The following PTPN1 variants were observed in gnomAD, a reference collection of about 807,000 sequenced individuals.
PTPN1 encodes the protein protein tyrosine phosphatase non-receptor type 1, also known as tyrosine-protein phosphatase non-receptor type 1.
Under a neutral mutation model 59.9 loss-of-function variants are expected in PTPN1, and 12 were observed. The observed-to-expected ratio is 0.20, with a 90% CI of 0.13 to 0.32. The LOEUF (loss-of-function observed/expected upper bound fraction) is 0.32. Among genes scored for constraint, PTPN1 ranks in the 10% least tolerant of loss-of-function variants. The pLI, the probability that PTPN1 is intolerant of heterozygous loss-of-function variation, is 1.00. For missense variants in PTPN1, 356 were observed against 549.2 expected (o/e 0.65, Z 3.52); for synonymous variants, 178 against 203.6 (o/e 0.87, Z 1.07).
intron 1 of PTPN1, among the ~76,000 whole-genome samples, chr20:50,536,894 CAAAA>C (rs1230626372): frequency 5.3e-5 from 8 of 151,932 alleles, no homozygotes; most frequent in Non-Finnish European, 8.8e-5. Context: ...CTGTAGAAAA[CAAAA>C]AAAGTAAAAT....
intron 1 of PTPN1, among the ~76,000 whole-genome samples, chr20:50,540,039 T>A (rs1347438805): frequency 6.6e-6 from 1 of 152,134 alleles, no homozygotes; most frequent in Non-Finnish European, 1.5e-5. Context: ...CTCACTTTTT[T>A]AAACTTCATT....
rs565798860 is a variant in PTPN1, at chr20:50,574,348, C to T, written c.355-169C>T. On this transcript the variant is annotated intron_variant, in intron 4 of 9. Coordinates refer to ENST00000371621, the MANE Select transcript of PTPN1 (RefSeq NM_002827.4). ...TGCCCCGGTCAGCAGCTTCGTGCCC[C>T]CACCCCCATCTCCCCATGAGGCAGG... 7 of 652,596 alleles carry T rather than the reference C, an allele frequency of 1.1e-5. No individual in the cohort carries two copies. The South Asian group carries it at 1.3e-4, about 12-fold the overall frequency. The allele number at this position is 652,596 out of a possible 1,614,324, so 40.4% of individuals were successfully genotyped here.
At chr20:50,546,684 TTG>T (rs2082677432) in intron 1 of PTPN1, among the ~76,000 whole-genome samples, 1 of 152,226 alleles carries the variant, frequency 6.6e-6, no homozygotes, top group Admixed American at 6.5e-5. Flanking sequence ...ACACTCCAAA[TTG>T]TGCACCAAAG....
chr20:50,516,709 C>T (rs554281210), intron 1 of PTPN1, among the ~76,000 whole-genome samples: 5 of 152,142 alleles, frequency 3.3e-5, no homozygotes, highest in African/African-American at 1.2e-4. Context: ...AGCCCTGACA[C>T]GTACGCTATG....
intron 1 of PTPN1, among the ~76,000 whole-genome samples, chr20:50,533,772 G>C (rs1300410545): frequency 6.6e-6 from 1 of 152,126 alleles, no homozygotes; most frequent in Non-Finnish European, 1.5e-5. Flanking sequence ...GATAGGTCAG[G>C]TGAGGCTGGA....
chr20:50,556,458 G>A (rs1473818799), intron 1 of PTPN1, among the ~76,000 whole-genome samples: 1 of 151,946 alleles, frequency 6.6e-6, no homozygotes, highest in East Asian at 1.9e-4. Context: ...CCAAAGTGCT[G>A]GGATTACAGA....
intron 1 of PTPN1, among the ~76,000 whole-genome samples, chr20:50,520,266 G>A (rs898303243): frequency 6.6e-6 from 1 of 151,834 alleles, no homozygotes; most frequent in African/African-American, 2.4e-5. Context: ...AGCTACTCAG[G>A]AGGCTGAGGC....
At chr20:50,578,389 T>A (rs771052425) in intron 5 of PTPN1, 31 bp from the exon 6 acceptor site, 1 of 1,533,534 alleles carries the variant, frequency 6.5e-7, no homozygotes, top group Non-Finnish European at 9.0e-7. Flanking sequence ...ATGATTCTTT[T>A]AGAATCATCA....
At chr20:50,560,137 C>G (rs1255372395) in intron 1 of PTPN1, among the ~76,000 whole-genome samples, 1 of 152,084 alleles carries the variant, frequency 6.6e-6, no homozygotes, top group Non-Finnish European at 1.5e-5. Context: ...AAGGGTCTAG[C>G]TGCCAGCGGT....
At chr20:50,552,499 G>A (rs188208199) in intron 1 of PTPN1, among the ~76,000 whole-genome samples, 12 of 152,108 alleles carry the variant, frequency 7.9e-5, no homozygotes, top group South Asian at 2.1e-4. Flanking sequence ...TCCCATCTGC[G>A]CGTAGCAGCC....
At position 50,581,417 on chromosome 20, in the gene PTPN1, G is replaced by A. The variant is rs1457853372; in HGVS notation, c.1241G>A (p.Cys414Tyr). 6.2e-7 allele frequency: 1 copy of A among 1,613,788 alleles called. No individual in the cohort carries two copies. The highest frequency in any genetic ancestry group is 8.5e-7 in the Non-Finnish European group (1 of 1,179,652). The change falls in exon 9 of 10, where the codon TGC becomes TAC. Residue 414 changes from cysteine to tyrosine, a missense_variant. This residue lies in a region of PTPN1 where 62 missense variants were observed against 97.2 expected (regional missense o/e 0.64). Coordinates refer to ENST00000371621, the MANE Select transcript of PTPN1 (RefSeq NM_002827.4). ...TGGAAGCCCTTCCTGGTCAACATGT[G>A]CGTGGCTACGGTCCTCACGGCCGGC... ...SYWKPFLVNM[C>Y]VATVLTAGAY...
intron 1 of PTPN1, among the ~76,000 whole-genome samples, chr20:50,546,030 A>C (rs978770287): frequency 1.3e-5 from 2 of 152,062 alleles, no homozygotes; most frequent in Admixed American, 1.3e-4. Context: ...AGAGCGAGAC[A>C]GGTCCTGTCT....
Position 50,582,856 on chromosome 20 carries a change from C to A in PTPN1, c.*141C>A. 1.0e-6 allele frequency: 1 copy of A among 973,256 alleles called. No individual in the cohort carries two copies. The highest frequency in any genetic ancestry group is 1.6e-6 in the Non-Finnish European group (1 of 640,182). The allele number at this position is 973,256 out of a possible 1,614,324, so 60.3% of individuals were successfully genotyped here. A position where few individuals can be genotyped will look rare whatever the true frequency, so the allele number is the denominator to read the frequency against. On this transcript the variant is annotated 3_prime_UTR_variant, in exon 10 of 10. Transcript: ENST00000371621. This position sits in a 1 kb window ranked among gnomAD's most constrained non-coding sequence, Gnocchi z 4.2. ...GCCCCGGACGGACGTTGGTTCTGCA[C>A]TAAAACCCATCTTCCCCGGATGTGT...
At chr20:50,518,923 C>T (rs969486807) in intron 1 of PTPN1, among the ~76,000 whole-genome samples, 3 of 152,182 alleles carry the variant, frequency 2.0e-5, no homozygotes, top group African/African-American at 4.8e-5. Context: ...TTGAATATTC[C>T]TTGAGAATCC....
intron 9 of PTPN1, among the ~76,000 whole-genome samples, chr20:50,581,849 C>CA (rs202045099): frequency 6.8e-5 from 10 of 147,666 alleles, no homozygotes; most frequent in African/African-American, 1.2e-4. Context: ...ATTTCTGGAA[C>CA]AAAAAAAAAC....
chr20:50,549,495 C>A (rs868023897), intron 1 of PTPN1, among the ~76,000 whole-genome samples: 2 of 152,162 alleles, frequency 1.3e-5, no homozygotes, highest in African/African-American at 2.4e-5. Context: ...TTGCCCCAGA[C>A]CACTGTACAA....
intron 1 of PTPN1, among the ~76,000 whole-genome samples, chr20:50,536,263 A>G (rs1315175990): frequency 2.6e-5 from 4 of 152,236 alleles, no homozygotes; most frequent in Non-Finnish European, 5.9e-5. Flanking sequence ...TGTGATAGCC[A>G]TCTGTATATT....
intron 2 of PTPN1, among the ~76,000 whole-genome samples, chr20:50,561,847 G>A (rs897250827): frequency 3.3e-5 from 5 of 152,122 alleles, no homozygotes; most frequent in Admixed American, 2.6e-4. Context: ...ACAGGCATTC[G>A]GGGTGGGCAC....
rs754452008 is a variant in PTPN1, at chr20:50,578,483, G to A, written c.556G>A (p.Glu186Lys). 6.2e-7 allele frequency: 1 copy of A among 1,614,238 alleles called. No individual in the cohort carries two copies. The highest frequency in any genetic ancestry group is 8.5e-7 in the Non-Finnish European group (1 of 1,180,038). Residue 186 changes from glutamate to lysine, a missense_variant, in exon 6 of 10, where the codon GAA becomes AAA. By Grantham distance (56) the Glu-to-Lys change is moderately conservative (BLOSUM62 1). Around this residue, in one of 3 missense-constraint regions of PTPN1, gnomAD observed 194 missense variants for 344.2 expected, o/e 0.56. Transcript: ENST00000371621. ...CACATGGCCTGACTTTGGAGTCCCT[G>A]AATCACCAGCCTCATTCTTGAACTT... ...YTTWPDFGVP[E>K]SPASFLNFLF...
Sources: gnomAD v4.1 joint callset for allele counts (sites outside exome capture counted in the v4.1 genomes callset) on GRCh38, gnomAD v4.1.1 for gene constraint, gnomAD v4.1.1 regional missense constraint, Gnocchi (gnomAD v3.1) non-coding constraint, MANE v1.5 for transcripts, NCBI Gene and HGNC (gene_info 2026-07-23, HGNC 2026-07-21) for gene names.